Variants in ITFG1 observed in about 807,000 individuals in gnomAD.
The protein encoded by ITFG1 is integrin alpha FG-GAP repeat containing 1.
A neutral mutation model predicts 81.8 loss-of-function variants in ITFG1; 34 were observed. The observed-to-expected ratio is 0.42, with a 90% CI of 0.32 to 0.55. ITFG1 has a LOEUF of 0.55. Among genes scored for constraint, ITFG1 ranks in the 20% least tolerant of loss-of-function variants. ITFG1 has a pLI of 0.17. For synonymous variants in ITFG1, 285 were observed against 270.6 expected (o/e 1.05, Z -0.52); for missense variants, 672 against 755.4 (o/e 0.89, Z 1.29).
chr16:47,418,486 C>T (rs1361684964), intron 6 of ITFG1, among the ~76,000 whole-genome samples: 2 of 152,012 alleles, frequency 1.3e-5, no homozygotes, highest in African/African-American at 4.8e-5. Context: ...GACCAATATC[C>T]TGAAGTGTTT....
intron 9 of ITFG1, 75 bp from the exon 10 acceptor site, chr16:47,311,487 C>T (rs1567455364): frequency 1.8e-5 from 21 of 1,151,046 alleles, no homozygotes; most frequent in Non-Finnish European, 2.4e-5. Flanking sequence ...AACAAACGAT[C>T]CATTAAGTTT....
intron 8 of ITFG1, among the ~76,000 whole-genome samples, chr16:47,332,462 C>T (rs1967649087): frequency 6.6e-6 from 1 of 152,098 alleles, no homozygotes; most frequent in Non-Finnish European, 1.5e-5. Context: ...TATTAACAAG[C>T]GTAAAGATCC....
chr16:47,176,318 C>T (rs1266282898), intron 14 of ITFG1, among the ~76,000 whole-genome samples: 1 of 151,882 alleles, frequency 6.6e-6, no homozygotes, highest in African/African-American at 2.4e-5. Context: ...TGTTAAATTA[C>T]ATTTTTAAAT....
At chr16:47,456,025 T>A (rs1212579261) in intron 2 of ITFG1, among the ~76,000 whole-genome samples, 1 of 152,020 alleles carries the variant, frequency 6.6e-6, no homozygotes, top group African/African-American at 2.4e-5. Flanking sequence ...GGCCTCTAGC[T>A]TGAAAGGGCC....
At chr16:47,396,930 C>T (rs1179844605) in intron 6 of ITFG1, among the ~76,000 whole-genome samples, 1 of 152,068 alleles carries the variant, frequency 6.6e-6, no homozygotes, top group South Asian at 2.1e-4. Flanking sequence ...CTCATCTCTG[C>T]AGACACTGAA....
At chr16:47,422,882 G>A (rs1968969329) in intron 6 of ITFG1, among the ~76,000 whole-genome samples, 1 of 152,154 alleles carries the variant, frequency 6.6e-6, no homozygotes, top group Admixed American at 6.5e-5. Flanking sequence ...ATGTGGGGCT[G>A]AGAAGAATGT....
At chr16:47,329,007 A>G (rs1285451523) in intron 8 of ITFG1, among the ~76,000 whole-genome samples, 1 of 152,188 alleles carries the variant, frequency 6.6e-6, no homozygotes, top group African/African-American at 2.4e-5. Context: ...CCAAAAGAAC[A>G]GAAACGTATT....
At chr16:47,158,852 G>T in intron 17 of ITFG1, 21 bp downstream of exon 17, 3 of 1,299,530 alleles carry the variant, frequency 2.3e-6, no homozygotes, top group Non-Finnish European at 3.3e-6. Flanking sequence ...CAAAATTAAT[G>T]CTTCCTTTAA....
intron 14 of ITFG1, among the ~76,000 whole-genome samples, chr16:47,212,178 T>A (rs1965571225): frequency 6.6e-6 from 1 of 152,204 alleles, no homozygotes; most frequent in Non-Finnish European, 1.5e-5. Flanking sequence ...ATTTTCCTTT[T>A]TTTTTCTAAA....
intron 1 of ITFG1, among the ~76,000 whole-genome samples, chr16:47,460,554 G>A (rs1020319062): frequency 1.3e-5 from 2 of 152,152 alleles, no homozygotes; most frequent in Non-Finnish European, 2.9e-5. Flanking sequence ...TGGGGAGGAG[G>A]GGGTAAGGTG....
rs761006413 is a variant in ITFG1, at chr16:47,428,918, T to C, written c.561-20A>G. On this transcript the variant is annotated intron_variant, in intron 5 of 17. Coordinates refer to ENST00000320640, the MANE Select transcript of ITFG1 (RefSeq NM_030790.5). ...AAATTCCTAAAAAATAAAATAAAAA[T>C]ACTTTTCTTAAGGCAAACATCAAAT... 1.1e-5 allele frequency: 15 copies of C among 1,425,994 alleles called. No homozygotes were observed. The highest frequency in any genetic ancestry group is 7.8e-6 in the Non-Finnish European group (8 of 1,030,838). 88.3% of individuals were successfully genotyped at this position (1,425,994 alleles called of 1,614,324 possible).
At chr16:47,400,251 C>T (rs181158292) in intron 6 of ITFG1, among the ~76,000 whole-genome samples, 60 of 152,282 alleles carry the variant, frequency 3.9e-4, no homozygotes, top group African/African-American at 1.3e-3. Context: ...AGACCAGGTG[C>T]AGTGGCTCAG....
chr16:47,167,077 C>T (rs1039729498), intron 14 of ITFG1, among the ~76,000 whole-genome samples: 2 of 152,182 alleles, frequency 1.3e-5, no homozygotes, highest in African/African-American at 2.4e-5. Flanking sequence ...ACTTTTTCAT[C>T]ACCCTATAAC....
intron 13 of ITFG1, among the ~76,000 whole-genome samples, chr16:47,229,267 G>A (rs1048390237): frequency 3.3e-5 from 5 of 152,088 alleles, no homozygotes; most frequent in African/African-American, 9.7e-5. Context: ...ATGCTTTCTC[G>A]GAGGAAATAT....
intron 5 of ITFG1, among the ~76,000 whole-genome samples, chr16:47,430,168 C>T (rs1256905835): frequency 1.3e-5 from 2 of 151,388 alleles, no homozygotes; most frequent in Non-Finnish European, 2.9e-5. Context: ...AGCGATTCTC[C>T]TGCCTTAGCC....
intron 8 of ITFG1, among the ~76,000 whole-genome samples, chr16:47,362,959 C>T (rs1968128270): frequency 6.6e-6 from 1 of 152,050 alleles, no homozygotes; most frequent in Non-Finnish European, 1.5e-5. Context: ...TGCAGTGGCA[C>T]GATCACTGTT....
intron 13 of ITFG1, 130 bp downstream of exon 13, chr16:47,237,835 G>C (rs1965893651): frequency 3.5e-6 from 2 of 566,108 alleles, no homozygotes; most frequent in African/African-American, 4.0e-5. Context: ...GTTTTCTTGA[G>C]TAATGAAGGA....
chr16:47,162,640 T>C lies in ITFG1; in HGVS notation c.1478A>G (p.His493Arg). Residue 493 changes from histidine to arginine, a missense_variant, in exon 15 of 18, where the codon CAT (histidine) becomes CGT (arginine). His to Arg is a conservative substitution (Grantham distance 29, BLOSUM62 0). Coordinates refer to ENST00000320640, the MANE Select transcript of ITFG1 (RefSeq NM_030790.5). ...GTTGTATGGTAGTTGGAGAGCTAAATGTGCGGATTGGCTGAGTTGGCCAGC... is the reference window on the plus strand; with the variant it reads ...GTTGTATGGTAGTTGGAGAGCTAAACGTGCGGATTGGCTGAGTTGGCCAGC... ...GSAGQLSQSA[H>R]LALQLPYNVL... 1 of 1,606,196 alleles carries C rather than the reference T, an allele frequency of 6.2e-7. No individual in the cohort carries two copies. The highest frequency in any genetic ancestry group is 8.5e-7 in the Non-Finnish European group (1 of 1,176,590).
chr16:47,386,600 C>T (rs2151594287), intron 6 of ITFG1, among the ~76,000 whole-genome samples: 1 of 152,348 alleles, frequency 6.6e-6, no homozygotes, highest in African/African-American at 2.4e-5. Flanking sequence ...CCTAGCGACT[C>T]ACACACCACC....
Sources: allele counts gnomAD v4.1 joint callset (sites outside exome capture counted in the v4.1 genomes callset), GRCh38; gene constraint gnomAD v4.1.1; transcripts MANE v1.5; gene names NCBI Gene and HGNC (gene_info 2026-07-23, HGNC 2026-07-21).